Variants in SLIT3 observed in about 807,000 individuals in gnomAD.
SLIT3 encodes the protein slit guidance ligand 3, also known as slit homolog 3 protein.
In SLIT3, 68 loss-of-function variants were observed where a neutral mutation model predicts 184.0. That is an observed-to-expected ratio of 0.37 (90% CI 0.30 to 0.45). The LOEUF is 0.45. SLIT3 is among the 20% of genes least tolerant of loss of function. SLIT3 has a pLI of 1.00. For synonymous variants in SLIT3, 831 were observed against 828.6 expected (o/e 1.00, Z -0.05); for missense variants, 1,707 against 2,026.0 (o/e 0.84, Z 3.02).
At chr5:168,939,083 GGGCGCCT>G (rs1762252494) in intron 4 of SLIT3, among the ~76,000 whole-genome samples, 2 of 152,302 alleles carry the variant, frequency 1.3e-5, no homozygotes, top group Non-Finnish European at 1.5e-5. Context: ...GCAAAGGAAT[GGGCGCCT>G]TGGGAGAAGC....
intron 4 of SLIT3, among the ~76,000 whole-genome samples, chr5:168,996,818 C>T (rs1449141648): frequency 1.9e-4 from 29 of 152,192 alleles, no homozygotes; most frequent in Admixed American, 1.8e-3. Context: ...TTTACGGCTT[C>T]CGCTGGGATG....
At chr5:168,809,719 C>T (rs1046073608) in intron 8 of SLIT3, among the ~76,000 whole-genome samples, 18 of 152,190 alleles carry the variant, frequency 1.2e-4, no homozygotes, top group South Asian at 2.1e-4. Flanking sequence ...AAAGCACGGA[C>T]CCATAAGCAT....
At chr5:169,279,128 T>C (rs1396295432) in intron 1 of SLIT3, among the ~76,000 whole-genome samples, 3 of 152,152 alleles carry the variant, frequency 2.0e-5, no homozygotes, top group South Asian at 2.1e-4. Context: ...CTGAAGCATA[T>C]TGAAAATATC....
intron 9 of SLIT3, among the ~76,000 whole-genome samples, chr5:168,798,260 G>A (rs575181038): frequency 3.6e-4 from 43 of 120,914 alleles, no homozygotes; most frequent in African/African-American, 1.5e-3. Flanking sequence ...GTCTTGCTCT[G>A]TCACCCAGGC....
intron 4 of SLIT3, among the ~76,000 whole-genome samples, chr5:168,946,728 G>T (rs1235411404): frequency 1.3e-5 from 2 of 152,102 alleles, no homozygotes; most frequent in African/African-American, 4.8e-5. Flanking sequence ...CCGGACACAC[G>T]CTCACCCCCT....
At chr5:168,954,840 G>C (rs932905264) in intron 4 of SLIT3, among the ~76,000 whole-genome samples, 1 of 152,210 alleles carries the variant, frequency 6.6e-6, no homozygotes, top group African/African-American at 2.4e-5. Context: ...AGAGAATGCA[G>C]GTCACAGTGG....
chr5:168,692,469 A>G (rs1213445360), intron 29 of SLIT3, 138 bp downstream of exon 29: 12 of 609,046 alleles, frequency 2.0e-5, no homozygotes, highest in East Asian at 2.8e-5. Context: ...TAATTAGATC[A>G]TGGCTGAATC....
intron 4 of SLIT3, among the ~76,000 whole-genome samples, chr5:169,035,793 A>C (rs1309948255): frequency 6.6e-6 from 1 of 152,154 alleles, no homozygotes; most frequent in African/African-American, 2.4e-5. Flanking sequence ...AGTACTAAGT[A>C]GTAAATCTGG....
chr5:168,707,949 C>T (rs558846531), intron 26 of SLIT3, 27 bp downstream of exon 26: 2 of 1,613,536 alleles, frequency 1.2e-6, no homozygotes, highest in East Asian at 4.5e-5. Context: ...GAGGCATGAA[C>T]ACGGGGGGGC....
At chr5:168,856,794 TGTGTGTGTGTGTGC>T (rs1245878648) in intron 5 of SLIT3, among the ~76,000 whole-genome samples, 18 of 147,052 alleles carry the variant, frequency 1.2e-4, no homozygotes, top group South Asian at 8.7e-4. Context: ...TGTGTGTGTG[TGTGTGTGTGTGTGC>T]GCGCGCGCGC....
chr5:169,274,155 G>A (rs537803721), intron 1 of SLIT3, among the ~76,000 whole-genome samples: 1 of 152,304 alleles, frequency 6.6e-6, no homozygotes, highest in Non-Finnish European at 1.5e-5. Flanking sequence ...TCCTTTGCAG[G>A]TGGGCCTATC....
chr5:169,037,585 C>A (rs1036131317), intron 4 of SLIT3: 6 of 152,232 alleles, frequency 3.9e-5, no homozygotes, highest in Non-Finnish European at 7.3e-5. Flanking sequence ...ACGTGTTTCA[C>A]GCTAACATCA....
chr5:169,091,102 C>T (rs770161107), intron 4 of SLIT3, among the ~76,000 whole-genome samples: 6 of 152,162 alleles, frequency 3.9e-5, no homozygotes, highest in South Asian at 2.1e-4. Context: ...AACATTGTGA[C>T]GGGTATATAA....
At chr5:169,259,091 G>C (rs1214897297) in intron 1 of SLIT3, among the ~76,000 whole-genome samples, 1 of 151,798 alleles carries the variant, frequency 6.6e-6, no homozygotes, top group Non-Finnish European at 1.5e-5. Flanking sequence ...TTTTTTTTTG[G>C]AGACAGAGTC....
chr5:168,806,825 T>C (rs1047791851), intron 8 of SLIT3, among the ~76,000 whole-genome samples: 4 of 152,202 alleles, frequency 2.6e-5, no homozygotes, highest in African/African-American at 9.7e-5. Context: ...TCTGTTATCC[T>C]GTCATCTCCA....
intron 3 of SLIT3, among the ~76,000 whole-genome samples, chr5:169,228,666 C>T (rs1342891497): frequency 4.6e-5 from 7 of 152,184 alleles, no homozygotes; most frequent in African/African-American, 7.2e-5. Context: ...ATTCAGAATA[C>T]AAATTTTTTT....
chr5:168,764,851 T>C (rs1197952844), intron 14 of SLIT3, among the ~76,000 whole-genome samples: 2 of 152,230 alleles, frequency 1.3e-5, no homozygotes. Flanking sequence ...CTCCTGCCCT[T>C]GGCTTGCCAG....
chr5:168,892,314 C>T (rs988146887), intron 4 of SLIT3, among the ~76,000 whole-genome samples: 1 of 152,232 alleles, frequency 6.6e-6, no homozygotes, highest in African/African-American at 2.4e-5. Flanking sequence ...TTACACACAC[C>T]TCAATCTGGA....
At chr5:168,882,956 A>AT (rs1760012067) in intron 5 of SLIT3, among the ~76,000 whole-genome samples, 1 of 152,128 alleles carries the variant, frequency 6.6e-6, no homozygotes, top group African/African-American at 2.4e-5. Context: ...TACCATCCCC[A>AT]TTTTACAGAA....
Sources: gnomAD v4.1 joint callset for allele counts (sites outside exome capture counted in the v4.1 genomes callset) on GRCh38, gnomAD v4.1.1 for gene constraint, MANE v1.5 for transcripts, NCBI Gene and HGNC (gene_info 2026-07-23, HGNC 2026-07-21) for gene names.